SAMD4A: variants seen among roughly 807,000 people sequenced by gnomAD.
SAMD4A encodes sterile alpha motif domain containing 4A, also known as protein Smaug homolog 1.
A neutral mutation model predicts 81.3 loss-of-function variants in SAMD4A; 33 were observed. The ratio of observed to expected loss-of-function variants is 0.41; its 90% CI spans 0.31 to 0.54. SAMD4A has a LOEUF of 0.54. Ranked by LOEUF, SAMD4A falls within the 20% of genes least tolerant of loss-of-function variation. SAMD4A has a pLI of 0.37. For synonymous variants in SAMD4A, 389 were observed against 382.1 expected, an observed-to-expected ratio of 1.02 and a Z score of -0.21; for missense variants, 854 against 951.1, an observed-to-expected ratio of 0.90 and a Z score of 1.34.
At chr14:54,768,903 CAACT>C (rs1447861562) in intron 8 of SAMD4A, among the ~76,000 whole-genome samples, 1 of 152,222 alleles carries the variant, frequency 6.6e-6, no homozygotes, top group Non-Finnish European at 1.5e-5. Flanking sequence ...CACTGGGAGA[CAACT>C]AAGCTGTCAT....
rs530769183 is a variant in SAMD4A, at chr14:54,670,443, A to G, written c.197-31619A>G. Among the ~76,000 whole-genome samples, 23 of 152,334 alleles carry G rather than the reference A, an allele frequency of 1.5e-4. 1 individual carries two copies. In the South Asian group the frequency reaches 4.8e-3, roughly 32 times the overall value. ...AGAAAGCGAAGCTCCTTCAGGGCTAAGAAAGGCATTGCTGTGTAGAGGACG... is the reference window on the plus strand; with the variant it reads ...AGAAAGCGAAGCTCCTTCAGGGCTAGGAAAGGCATTGCTGTGTAGAGGACG... On this transcript the variant is annotated intron_variant, in intron 2 of 12. Coordinates refer to ENST00000554335, the MANE Select transcript of SAMD4A (RefSeq NM_015589.6).
intron 2 of SAMD4A, among the ~76,000 whole-genome samples, chr14:54,588,921 C>T (rs2033699598): frequency 6.6e-6 from 1 of 151,990 alleles, no homozygotes; most frequent in African/African-American, 2.4e-5. Flanking sequence ...TATTTTCTTC[C>T]CTTGGATGGT....
rs1215984224 is a variant in SAMD4A, at chr14:54,567,748, A to G, written c.-169A>G. The stretch of plus-strand genomic sequence containing the variant: ...ACCACCGGAACGTAACTGAAACCAG[A>G]CAAGAGAGGCAGGAGCCCAGGCAGT... On this transcript the variant is annotated 5_prime_UTR_variant, in exon 2 of 13. Transcript: ENST00000554335. 1 of 609,102 alleles carries G rather than the reference A, an allele frequency of 1.6e-6. No individual in the cohort carries two copies. The highest frequency in any genetic ancestry group is 2.0e-5 in the African/African-American group (1 of 51,238). 37.7% of individuals were successfully genotyped at this position (609,102 alleles called of 1,614,324 possible).
intron 2 of SAMD4A, among the ~76,000 whole-genome samples, chr14:54,582,847 T>A (rs2033507446): frequency 6.6e-6 from 1 of 152,224 alleles, no homozygotes; most frequent in Admixed American, 6.5e-5. Flanking sequence ...CTCAAATGTT[T>A]ATATATAAGG....
intron 2 of SAMD4A, among the ~76,000 whole-genome samples, chr14:54,575,992 T>C: frequency 7.4e-6 from 1 of 134,534 alleles, no homozygotes; most frequent in African/African-American, 2.8e-5. Context: ...AAGATTTCTT[T>C]CTTTCTTTCT....
chr14:54,766,235 C>T (rs369750981), intron 8 of SAMD4A, among the ~76,000 whole-genome samples: 2 of 152,118 alleles, frequency 1.3e-5, no homozygotes, highest in East Asian at 1.9e-4. Flanking sequence ...ACACTGGACT[C>T]GTTTTGGCCA....
chr14:54,590,826 T>G (rs1353124148), intron 2 of SAMD4A, among the ~76,000 whole-genome samples: 2 of 152,262 alleles, frequency 1.3e-5, no homozygotes, highest in Non-Finnish European at 1.5e-5. Flanking sequence ...CCTTAGGGTT[T>G]GAGAAATAGT....
chr14:54,659,665 G>T (rs2035596306), intron 2 of SAMD4A, among the ~76,000 whole-genome samples: 1 of 152,168 alleles, frequency 6.6e-6, no homozygotes, highest in African/African-American at 2.4e-5. Context: ...CCAACCTCAG[G>T]TGCTGATAGT....
intron 2 of SAMD4A, among the ~76,000 whole-genome samples, chr14:54,626,663 G>C (rs1205415293): frequency 6.6e-6 from 1 of 152,036 alleles, no homozygotes; most frequent in Non-Finnish European, 1.5e-5. Flanking sequence ...GTTTCCAGTT[G>C]CGTTTGTTTT....
chr14:54,682,185 G>T, intron 2 of SAMD4A: 1 of 415,442 alleles, frequency 2.4e-6, no homozygotes, highest in Non-Finnish European at 3.2e-6. Context: ...AGAATCTTGA[G>T]GTATGAGTTT....
chr14:54,679,516 C>T (rs2036078888), intron 2 of SAMD4A, among the ~76,000 whole-genome samples: 1 of 152,126 alleles, frequency 6.6e-6, no homozygotes, highest in East Asian at 1.9e-4. Context: ...CCATGGCTAC[C>T]CTGAGGCCTG....
intron 2 of SAMD4A, among the ~76,000 whole-genome samples, chr14:54,589,361 C>T (rs1044500335): frequency 6.6e-6 from 1 of 152,164 alleles, no homozygotes; most frequent in African/African-American, 2.4e-5. Flanking sequence ...TTTTTACTCC[C>T]ATGAGTCTAA....
chr14:54,588,660 T>C (rs1165225713), intron 2 of SAMD4A, among the ~76,000 whole-genome samples: 1 of 152,212 alleles, frequency 6.6e-6, no homozygotes, highest in Non-Finnish European at 1.5e-5. Context: ...TTGAAGAGGC[T>C]GTCATTATTT....
intron 2 of SAMD4A, among the ~76,000 whole-genome samples, chr14:54,698,909 T>C (rs2036640469): frequency 6.6e-6 from 1 of 152,068 alleles, no homozygotes; most frequent in Admixed American, 6.5e-5. Flanking sequence ...CTCCTATTTA[T>C]GTTTTGTTTT....
At chr14:54,675,964 G>A (rs2035984560) in intron 2 of SAMD4A, among the ~76,000 whole-genome samples, 1 of 152,196 alleles carries the variant, frequency 6.6e-6, no homozygotes, top group African/African-American at 2.4e-5. Flanking sequence ...GGCTAAAAAA[G>A]AATCCTTCCA....
At chr14:54,655,457 C>T (rs1297798828) in intron 2 of SAMD4A, among the ~76,000 whole-genome samples, 2 of 152,116 alleles carry the variant, frequency 1.3e-5, no homozygotes, top group Admixed American at 1.3e-4. Flanking sequence ...AGGAGCCGGG[C>T]GCAGTGGCTC....
At chr14:54,607,773 G>A (rs2034252590) in intron 2 of SAMD4A, among the ~76,000 whole-genome samples, 1 of 152,120 alleles carries the variant, frequency 6.6e-6, no homozygotes, top group East Asian at 1.9e-4. Flanking sequence ...TATTTTAATG[G>A]CTATAATAAT....
intron 2 of SAMD4A, among the ~76,000 whole-genome samples, chr14:54,599,785 C>T (rs2034007458): frequency 6.6e-6 from 1 of 152,216 alleles, no homozygotes; most frequent in Non-Finnish European, 1.5e-5. Context: ...AAGAGCAACA[C>T]TATTCCGAAG....
At chr14:54,699,998 G>T (rs1329801993) in intron 2 of SAMD4A, among the ~76,000 whole-genome samples, 2 of 152,190 alleles carry the variant, frequency 1.3e-5, no homozygotes, top group African/African-American at 2.4e-5. Flanking sequence ...ATTGTTGTAA[G>T]CACAGTAAAC....
Sources: gnomAD v4.1 joint callset for allele counts (sites outside exome capture counted in the v4.1 genomes callset) on GRCh38, gnomAD v4.1.1 for gene constraint, MANE v1.5 for transcripts, NCBI Gene and HGNC (gene_info 2026-07-23, HGNC 2026-07-21) for gene names.